The following SPDYE4 variants were observed in gnomAD, a reference collection of about 807,000 sequenced individuals.
The protein encoded by SPDYE4 is speedy protein E4.
In SPDYE4, 30 loss-of-function variants were observed where a neutral mutation model predicts 37.5. The ratio of observed to expected loss-of-function variants is 0.80; its 90% CI spans 0.60 to 1.09. The LOEUF (loss-of-function observed/expected upper bound fraction) is 1.09, where lower values mean the gene tolerates loss of function less well. SPDYE4 is among the 50% of genes least tolerant of loss of function. The pLI is 0.00. For synonymous variants in SPDYE4, 131 were observed against 120.3 expected (o/e 1.09, Z -0.58); for missense variants, 300 against 307.9 (o/e 0.97, Z 0.19).
At chr17:8,756,044 G>T (rs780326370) in intron 3 of SPDYE4, among the ~76,000 whole-genome samples, 1 of 152,134 alleles carries the variant, frequency 6.6e-6, no homozygotes, top group Non-Finnish European at 1.5e-5. Context: ...CGAGGGAGAT[G>T]CTGACAAATT....
chr17:8,750,076 C>A (rs1264761654), downstream of SPDYE4, among the ~76,000 whole-genome samples: 1 of 152,178 alleles, frequency 6.6e-6, no homozygotes, highest in Admixed American at 6.5e-5. Context: ...ATACTTCCCT[C>A]CTGTCATAAA....
chr17:8,756,477 G>T, intron 2 of SPDYE4, 41 bp from the exon 3 acceptor site: 8 of 1,589,630 alleles, frequency 5.0e-6, no homozygotes, highest in Non-Finnish European at 6.9e-6. Context: ...AAGTGGAACA[G>T]GGTTGCCGTG....
In SPDYE4 at chr17:8,751,811, T is replaced by C. The variant is rs141704251; in HGVS notation, c.*471A>G. Among the ~76,000 whole-genome samples, 12 of 152,338 alleles carry C rather than the reference T, an allele frequency of 7.9e-5. 1 individual carries two copies. The East Asian group carries it at 2.3e-3, about 29-fold the overall frequency. On this transcript the variant is annotated 3_prime_UTR_variant, in exon 7 of 7. Transcript: ENST00000689094. ...AAACCAACAAAATGTACAGTATCTATTAAACTATCTCTTAAAATCCTATGG... is the reference window on the plus strand; with the variant it reads ...AAACCAACAAAATGTACAGTATCTACTAAACTATCTCTTAAAATCCTATGG...
downstream of SPDYE4, among the ~76,000 whole-genome samples, chr17:8,749,377 C>T (rs1158701864): frequency 6.6e-6 from 1 of 152,122 alleles, no homozygotes; most frequent in Non-Finnish European, 1.5e-5. Flanking sequence ...GATTCTCCTG[C>T]CTCAGCCTCC....
chr17:8,756,891 T>C (rs2086777119), intron 2 of SPDYE4, among the ~76,000 whole-genome samples: 1 of 151,578 alleles, frequency 6.6e-6, no homozygotes, highest in Non-Finnish European at 1.5e-5. Context: ...TTTTATCTTT[T>C]ATTTTATTTT....
chr17:8,755,824 T>C (rs559285084), intron 3 of SPDYE4, among the ~76,000 whole-genome samples: 1 of 151,948 alleles, frequency 6.6e-6, no homozygotes, highest in South Asian at 2.1e-4. Flanking sequence ...GATGCTCCCA[T>C]GATGATGAGC....
chr17:8,749,612 T>A (rs1206737855), downstream of SPDYE4, among the ~76,000 whole-genome samples: 2 of 152,006 alleles, frequency 1.3e-5, no homozygotes, highest in African/African-American at 4.8e-5. Flanking sequence ...TTGCCCAGGC[T>A]GCTCTTGAAC....
chr17:8,757,325 G>T lies in SPDYE4; in HGVS notation c.277C>A (p.Leu93Met). 1 of 1,603,094 alleles carries T rather than the reference G, an allele frequency of 6.2e-7. No individual in the cohort carries two copies. ...ACGGAGGATGCTCGCTTTCGCTTCA[G>T]CTTCATCTTGAGCCCACACAGCGTC... ...VETLCGLKMKLKRKRASSVLP... is the reference protein window; with the variant it reads ...VETLCGLKMKMKRKRASSVLP... Residue 93 changes from leucine to methionine, a missense_variant, in exon 2 of 7, where the codon CTG becomes ATG. Coordinates refer to ENST00000689094, the MANE Select transcript of SPDYE4 (RefSeq NM_001394956.1).
At chr17:8,756,270 T>A in intron 3 of SPDYE4, 108 bp downstream of exon 3, 1 of 998,582 alleles carries the variant, frequency 1.0e-6, no homozygotes, top group Non-Finnish European at 1.5e-6. Flanking sequence ...AATCAGCAGG[T>A]GGGAGATGGT....
At chr17:8,756,292 G>T in intron 3 of SPDYE4, 86 bp downstream of exon 3, 1 of 1,264,884 alleles carries the variant, frequency 7.9e-7, no homozygotes, top group Non-Finnish European at 1.1e-6. Flanking sequence ...GAGGGAGAGA[G>T]GAGAGAAACT....
chr17:8,748,000 C>T (rs1461764527), downstream of SPDYE4, among the ~76,000 whole-genome samples: 2 of 152,132 alleles, frequency 1.3e-5, no homozygotes, highest in African/African-American at 2.4e-5. Flanking sequence ...AGTGGAAACT[C>T]CTGATAAACC....
intron 3 of SPDYE4, among the ~76,000 whole-genome samples, chr17:8,756,039 G>A (rs756227896): frequency 6.6e-6 from 1 of 152,132 alleles, no homozygotes; most frequent in Non-Finnish European, 1.5e-5. Flanking sequence ...AGCCCCGAGG[G>A]AGATGCTGAC....
chr17:8,754,895 G>A (rs1365525991), intron 4 of SPDYE4, among the ~76,000 whole-genome samples: 1 of 152,216 alleles, frequency 6.6e-6, no homozygotes, highest in South Asian at 2.1e-4. Context: ...AACAAGGAAA[G>A]ATGAAGATGG....
chr17:8,748,889 T>A (rs79422817), downstream of SPDYE4, among the ~76,000 whole-genome samples: 22,468 of 152,110 alleles, frequency 0.15, 2,151 homozygotes, highest in Middle Eastern at 0.22. Flanking sequence ...CAGGCAGCAA[T>A]CCATGGCAGG....
downstream of SPDYE4, among the ~76,000 whole-genome samples, chr17:8,747,673 C>T (rs1567538913): frequency 6.6e-6 from 1 of 152,164 alleles, no homozygotes; most frequent in Admixed American, 6.5e-5. Flanking sequence ...CAGCCTTGAT[C>T]TCGCAAGTCA....
At chr17:8,756,245 C>T (rs1405253183) in intron 3 of SPDYE4, 133 bp downstream of exon 3, 24 of 800,450 alleles carry the variant, frequency 3.0e-5, no homozygotes, top group South Asian at 5.5e-5. Context: ...AAAATGTGGG[C>T]GCCCAAGAGT....
At chr17:8,758,165 C>T (rs2086790520) in intron 1 of SPDYE4, 109 bp downstream of exon 1, 2 of 926,800 alleles carry the variant, frequency 2.2e-6, no homozygotes, top group Admixed American at 2.9e-5. Flanking sequence ...CTGAGTCCGT[C>T]GTTTCTTTCC....
At chr17:8,755,442 A>G in intron 4 of SPDYE4, 78 bp downstream of exon 4, 1 of 1,489,858 alleles carries the variant, frequency 6.7e-7, no homozygotes, top group Non-Finnish European at 9.2e-7. Context: ...AAAAAAATAG[A>G]TGGAAGGTTG....
chr17:8,750,068 A>T (rs929420288), downstream of SPDYE4, among the ~76,000 whole-genome samples: 14 of 152,162 alleles, frequency 9.2e-5, no homozygotes, highest in African/African-American at 3.1e-4. Flanking sequence ...AACCCGAGAT[A>T]CTTCCCTCCT....
Sources: gnomAD v4.1 joint callset for allele counts (sites outside exome capture counted in the v4.1 genomes callset) on GRCh38, gnomAD v4.1.1 for gene constraint, MANE v1.5 for transcripts, NCBI Gene and HGNC (gene_info 2026-07-23, HGNC 2026-07-21) for gene names.